Variants in ARHGAP42 observed in about 807,000 individuals in gnomAD.
The protein encoded by ARHGAP42 is Rho GTPase activating protein 42.
ARHGAP42 carries 63 observed loss-of-function variants against 125.0 expected under a neutral mutation model. The ratio of observed to expected loss-of-function variants is 0.50; its 90% CI spans 0.41 to 0.62. The LOEUF (loss-of-function observed/expected upper bound fraction) is 0.62. Among genes scored for constraint, ARHGAP42 ranks in the 20% least tolerant of loss-of-function variants. The probability of loss-of-function intolerance (pLI) is 0.00; values close to 1 mark genes in which losing one functional copy is unlikely to be tolerated. For missense variants in ARHGAP42, 766 were observed against 1,024.2 expected (o/e 0.75, Z 3.44); for synonymous variants, 339 against 351.0 (o/e 0.97, Z 0.38).
chr11:100,689,547 T>C (rs1158559540), intron 1 of ARHGAP42, among the ~76,000 whole-genome samples: 3 of 152,260 alleles, frequency 2.0e-5, no homozygotes, highest in Non-Finnish European at 4.4e-5. Context: ...TTTATTATGA[T>C]GGTTGAATCT....
chr11:100,916,381 A>C (rs554639575), intron 5 of ARHGAP42, among the ~76,000 whole-genome samples: 43 of 152,372 alleles, frequency 2.8e-4, no homozygotes, highest in African/African-American at 9.6e-4. Context: ...TGGGGCTATC[A>C]TCTCTTATAT....
At chr11:100,865,118 A>T (rs1419977607) in intron 4 of ARHGAP42, among the ~76,000 whole-genome samples, 1 of 152,202 alleles carries the variant, frequency 6.6e-6, no homozygotes, top group Non-Finnish European at 1.5e-5. Context: ...ATTTCTTTAT[A>T]TTGTTTTCAT....
At chr11:100,744,867 G>T (rs1862265137) in intron 1 of ARHGAP42, among the ~76,000 whole-genome samples, 1 of 152,124 alleles carries the variant, frequency 6.6e-6, no homozygotes, top group South Asian at 2.1e-4. Flanking sequence ...ATGTACTTGG[G>T]ATGCGCCCTT....
rs138861145 is a variant in ARHGAP42, at chr11:100,944,984, G to A, written c.1043+1116G>A. On this transcript the variant is annotated intron_variant, in intron 10 of 23. Coordinates refer to ENST00000298815, the MANE Select transcript of ARHGAP42 (RefSeq NM_152432.4). ...CTGTACCATGCAATGCTGTTTGATA[G>A]CATTTTACTCAGTAGGGCGTCTTTC... Among the ~76,000 whole-genome samples, 1,116 of 152,138 alleles carry A rather than the reference G, an allele frequency of 7.3e-3. 18 individuals carry two copies. The highest frequency in any genetic ancestry group is 0.025 in the African/African-American group (1,042 of 41,524).
At chr11:100,715,579 G>T (rs1454310130) in intron 1 of ARHGAP42, among the ~76,000 whole-genome samples, 2 of 152,170 alleles carry the variant, frequency 1.3e-5, no homozygotes, top group Non-Finnish European at 2.9e-5. Context: ...TGTCTCACAA[G>T]ACTCATCCTT....
chr11:100,767,913 A>C (rs17095428), intron 1 of ARHGAP42, among the ~76,000 whole-genome samples: 39,580 of 152,110 alleles, frequency 0.26, 5,398 homozygotes, highest in Non-Finnish European at 0.3. Context: ...GCCTGTCTGA[A>C]ATTTGAAGTC....
At position 100,976,850 on chromosome 11, in the gene ARHGAP42, A is replaced by G; in HGVS notation, c.2272A>G (p.Thr758Ala). The change falls in exon 21 of 24, where the codon ACT (threonine) becomes GCT (alanine). Residue 758 changes from threonine (T) to alanine (A), a missense_variant. Thr to Ala is a moderately conservative substitution (Grantham distance 58, BLOSUM62 0). Coordinates refer to ENST00000298815, the MANE Select transcript of ARHGAP42 (RefSeq NM_152432.4). ...KSYSGSIQSLTSVGSKETPKA... is the reference protein window; with the variant it reads ...KSYSGSIQSLASVGSKETPKA... ...CTACAGTGGATCTATTCAAAGCTTA[A>G]CTTCTGTAGGTTCCAAGGAGACACC... 2 of 1,551,168 alleles carry G rather than the reference A, an allele frequency of 1.3e-6. No individual in the cohort carries two copies. The highest frequency in any genetic ancestry group is 1.7e-6 in the Non-Finnish European group (2 of 1,146,830).
chr11:100,920,461 A>T (rs1342145783), intron 5 of ARHGAP42, among the ~76,000 whole-genome samples: 2 of 152,154 alleles, frequency 1.3e-5, no homozygotes, highest in Non-Finnish European at 2.9e-5. Context: ...AACCACCATT[A>T]TAAATGGCTT....
At chr11:100,790,569 A>G (rs1281012044) in intron 2 of ARHGAP42, among the ~76,000 whole-genome samples, 2 of 152,212 alleles carry the variant, frequency 1.3e-5, no homozygotes, top group Admixed American at 6.5e-5. Flanking sequence ...AGGAATTTAG[A>G]TAGCTAACAT....
intron 3 of ARHGAP42, among the ~76,000 whole-genome samples, chr11:100,856,955 A>G (rs1192022682): frequency 6.6e-6 from 1 of 152,094 alleles, no homozygotes; most frequent in Non-Finnish European, 1.5e-5. Context: ...ATTCAAATGA[A>G]GCTGAATCTG....
At position 100,990,085 on chromosome 11, in the gene ARHGAP42, G is replaced by A. The variant is rs1327074580; in HGVS notation, c.*1284G>A. 2.0e-5 allele frequency: 3 copies of A among 152,042 alleles called. No individual in the cohort carries two copies. The highest frequency in any genetic ancestry group is 4.4e-5 in the Non-Finnish European group (3 of 68,004). The allele number at this position is 152,042 out of a possible 1,614,324, so 9.4% of individuals were successfully genotyped here. ...TATATATCAGCATCTGGTCATGCAC[G>A]AACCATTAATTCTATATTTCTATTT... On this transcript the variant is annotated 3_prime_UTR_variant, in exon 24 of 24. Transcript: ENST00000298815.
At chr11:100,939,910 A>T (rs1867831236) in intron 8 of ARHGAP42, among the ~76,000 whole-genome samples, 1 of 152,198 alleles carries the variant, frequency 6.6e-6, no homozygotes, top group African/African-American at 2.4e-5. Flanking sequence ...GCTATATTTT[A>T]AAATTATAGC....
intron 1 of ARHGAP42, among the ~76,000 whole-genome samples, chr11:100,745,700 C>T (rs117048048): frequency 6.6e-6 from 1 of 152,262 alleles, no homozygotes; most frequent in East Asian, 1.9e-4. Context: ...ACACAAACTC[C>T]TTCTTTTTCT....
In ARHGAP42 at chr11:100,743,153, T is replaced by C. The variant is rs1251901278; in HGVS notation, c.155-27190T>C. Among the ~76,000 whole-genome samples the C allele has an allele frequency of 2.6e-5, 4 of 152,196 alleles. No individual in the cohort carries two copies. In the East Asian group the frequency reaches 7.7e-4, roughly 29 times the overall value. On this transcript the variant is annotated intron_variant, in intron 1 of 23. Coordinates refer to ENST00000298815, the MANE Select transcript of ARHGAP42 (RefSeq NM_152432.4). ...TGTTTTCTTCATTGTGTTACTGTTT[T>C]ATAGGCCCTGTGAGTTTTATGCTTT...
chr11:100,991,564 C>T lies in ARHGAP42; in HGVS notation c.*2763C>T, dbSNP rs779169410. 1 of 152,048 alleles carries T rather than the reference C, an allele frequency of 6.6e-6. No individual in the cohort carries two copies. The highest frequency in any genetic ancestry group is 1.5e-5 in the Non-Finnish European group (1 of 68,002). 9.4% of individuals were successfully genotyped at this position (152,048 alleles called of 1,614,324 possible). ...ATCTCCTGAGTTATGTGAAAATATC[C>T]CTCAGTACAAAACATTTGTGTGTTT... On this transcript the variant is annotated 3_prime_UTR_variant, in exon 24 of 24. Coordinates refer to ENST00000298815, the MANE Select transcript of ARHGAP42 (RefSeq NM_152432.4).
At chr11:100,773,690 A>AT (rs2134994940) in intron 2 of ARHGAP42, among the ~76,000 whole-genome samples, 1 of 152,326 alleles carries the variant, frequency 6.6e-6, no homozygotes, top group East Asian at 1.9e-4. Context: ...AGTGAACTTG[A>AT]TATCTCAACA....
chr11:100,860,526 C>A (rs1408164635), intron 4 of ARHGAP42, among the ~76,000 whole-genome samples: 1 of 152,036 alleles, frequency 6.6e-6, no homozygotes, highest in East Asian at 1.9e-4. Context: ...TTGCTACCCA[C>A]CAGCAGGCAC....
chr11:100,780,042 A>C (rs1027751142), intron 2 of ARHGAP42, among the ~76,000 whole-genome samples: 1 of 151,890 alleles, frequency 6.6e-6, no homozygotes, highest in Non-Finnish European at 1.5e-5. Flanking sequence ...TAAAAAAAAA[A>C]ACAAGTTTTA....
chr11:100,915,796 T>A (rs989504387), intron 5 of ARHGAP42, among the ~76,000 whole-genome samples: 7 of 152,114 alleles, frequency 4.6e-5, no homozygotes, highest in Non-Finnish European at 8.8e-5. Context: ...ACTAACAAAT[T>A]TTGTTAAAGT....
Sources: gnomAD v4.1 joint callset for allele counts (sites outside exome capture counted in the v4.1 genomes callset) on GRCh38, gnomAD v4.1.1 for gene constraint, MANE v1.5 for transcripts, NCBI Gene and HGNC (gene_info 2026-07-23, HGNC 2026-07-21) for gene names.